The following GDAP2 variants were observed in gnomAD, a reference collection of about 807,000 sequenced individuals.
GDAP2 encodes the protein ganglioside-induced differentiation-associated protein 2.
A neutral mutation model predicts 67.0 loss-of-function variants in GDAP2; 51 were observed. The ratio of observed to expected loss-of-function variants is 0.76; its 90% confidence interval spans 0.61 to 0.96. The LOEUF (loss-of-function observed/expected upper bound fraction) is 0.96, where lower values mean the gene tolerates loss of function less well. Among genes scored for constraint, GDAP2 ranks in the 40% least tolerant of loss-of-function variants. The probability of loss-of-function intolerance (pLI) is 0.00; values close to 1 mark genes in which losing one functional copy is unlikely to be tolerated. For missense variants in GDAP2, 547 were observed against 588.3 expected, an observed-to-expected ratio of 0.93 and a Z score of 0.73; for synonymous variants, 203 against 207.3, an observed-to-expected ratio of 0.98 and a Z score of 0.18.
rs2101154940 is a variant in GDAP2 at position 117,912,041 on chromosome 1, G to A, written c.512C>T (p.Ser171Phe). 1 of 1,610,886 alleles carries A rather than the reference G, an allele frequency of 6.2e-7. No individual in the cohort carries two copies. Among genetic ancestry groups the A allele is most frequent in the Admixed American group, 1.7e-5 (1 of 59,956 alleles). ...CTCTAAAGGATAACCACGTTTTGCAGAATTGATGACACAGAAGCCAACAGA... is the reference window on the plus strand; with the variant it reads ...CTCTAAAGGATAACCACGTTTTGCAAAATTGATGACACAGAAGCCAACAGA... ...MSSVGFCVIN[S>F]AKRGYPLEDA... Residue 171 changes from serine (S) to phenylalanine (F), a missense_variant, in exon 5 of 14, where the codon TCT becomes TTT. By Grantham distance (155) the Ser-to-Phe change is radical. Transcript: ENST00000369443.
chr1:117,920,075 G>T, intron 2 of GDAP2, 107 bp downstream of exon 2: 1 of 645,482 alleles, frequency 1.5e-6, no homozygotes. Flanking sequence ...AGTCATATAC[G>T]TATACGCAAA....
rs931325177 is a variant in GDAP2, at chr1:117,887,613, A to G, written c.1030+85T>C. 1.3e-4 allele frequency: 104 copies of G among 793,860 alleles called. No homozygotes were observed. The South Asian group carries it at 1.4e-3, about 11-fold the overall frequency. The allele number at this position is 793,860 out of a possible 1,614,324, so 49.2% of individuals were successfully genotyped here. On this transcript the variant is annotated intron_variant, in intron 9 of 13. Transcript: ENST00000369443. Reference sequence around the variant, plus strand: ...TTTGTTCATAGATACAATAAATGAAATCAGAGAAAAATGAATTCTCAAATA... The same window carrying G: ...TTTGTTCATAGATACAATAAATGAAGTCAGAGAAAAATGAATTCTCAAATA...
intron 7 of GDAP2, 106 bp downstream of exon 7, chr1:117,898,951 T>C: frequency 1.3e-6 from 1 of 781,732 alleles, no homozygotes; most frequent in Non-Finnish European, 2.2e-6. Context: ...GTCATGGTAA[T>C]AGAGAGCTTT....
intron 13 of GDAP2, among the ~76,000 whole-genome samples, chr1:117,874,146 C>G (rs528692082): frequency 3.9e-5 from 6 of 152,320 alleles, no homozygotes; most frequent in South Asian, 2.1e-4. Flanking sequence ...CTCCTGATAT[C>G]TTCTGCTATA....
chr1:117,923,049 C>G (rs1199697435), intron 1 of GDAP2, among the ~76,000 whole-genome samples: 1 of 152,184 alleles, frequency 6.6e-6, no homozygotes, highest in African/African-American at 2.4e-5. Flanking sequence ...CTTCTCTTAT[C>G]CGTTTTTGGT....
chr1:117,918,575 A>C (rs748076988), intron 3 of GDAP2, 22 bp downstream of exon 3: 17 of 1,561,224 alleles, frequency 1.1e-5, no homozygotes, highest in Non-Finnish European at 1.5e-5. Context: ...AAGCAATAAT[A>C]TATGAAAGAA....
chr1:117,906,726 A>C, intron 5 of GDAP2, 144 bp from the exon 6 acceptor site: 1 of 560,470 alleles, frequency 1.8e-6, no homozygotes, highest in Non-Finnish European at 3.1e-6. Flanking sequence ...CTATCAGTGA[A>C]GCCTGCCCAT....
intron 5 of GDAP2, among the ~76,000 whole-genome samples, chr1:117,909,772 T>C (rs1327329115): frequency 6.6e-6 from 1 of 152,182 alleles, no homozygotes; most frequent in Admixed American, 6.5e-5. Context: ...TTATCTGCTG[T>C]TACTCTCAAA....
chr1:117,883,581 T>C lies in GDAP2; in HGVS notation c.1154A>G (p.Glu385Gly), dbSNP rs112235495. Residue 385 changes from glutamate (E) to glycine (G), a missense_variant, in exon 11 of 14, where the codon GAG becomes GGG. By Grantham distance (98) the Glu-to-Gly change is moderately conservative (BLOSUM62 -2). Transcript: ENST00000369443. ...GGTGTGAAAATACACTAATACATACTCCTTCACAGCAATGTGATCCATTAC... is the reference window on the plus strand; with the variant it reads ...GGTGTGAAAATACACTAATACATACCCCTTCACAGCAATGTGATCCATTAC... ...IHVMDHIAVKEYVLVYFHTLT... is the reference protein window; with the variant it reads ...IHVMDHIAVKGYVLVYFHTLT... The C allele has an allele frequency of 3.8e-6, 6 of 1,599,610 alleles. No individual in the cohort carries two copies. Among genetic ancestry groups the C allele is most frequent in the Non-Finnish European group, 4.3e-6 (5 of 1,167,378 alleles).
intron 6 of GDAP2, among the ~76,000 whole-genome samples, chr1:117,903,992 C>CT (rs566923850): frequency 3.8e-3 from 535 of 141,966 alleles, no homozygotes; most frequent in African/African-American, 0.011. Flanking sequence ...ATTTTTTTTT[C>CT]TTTTTTTTTT....
chr1:117,915,428 C>A (rs1650018637), intron 3 of GDAP2, among the ~76,000 whole-genome samples: 1 of 152,076 alleles, frequency 6.6e-6, no homozygotes, highest in Non-Finnish European at 1.5e-5. Flanking sequence ...AATGTCTGGT[C>A]CTGGATTGGA....
chr1:117,899,316 T>A, intron 6 of GDAP2, 100 bp from the exon 7 acceptor site: 2 of 774,152 alleles, frequency 2.6e-6, no homozygotes, highest in South Asian at 3.2e-5. Flanking sequence ...ACAACCTCCA[T>A]CAAGAATAAA....
chr1:117,887,660 A>C (rs1442372796), intron 9 of GDAP2, 38 bp downstream of exon 9: 1 of 971,498 alleles, frequency 1.0e-6, no homozygotes, highest in East Asian at 2.4e-5. Flanking sequence ...AGGGCTCTTA[A>C]TTAGTGAAAG....
rs1487812789 is a variant in GDAP2 at position 117,864,985 on chromosome 1, C to T, written c.*5584G>A. The T allele has an allele frequency of 6.6e-6, 1 of 152,192 alleles. No homozygotes were observed. The highest frequency in any genetic ancestry group is 1.9e-4 in the East Asian group (1 of 5,196). The allele number at this position is 152,192 out of a possible 1,614,324, so 9.4% of individuals were successfully genotyped here. On this transcript the variant is annotated 3_prime_UTR_variant, in exon 14 of 14. Coordinates refer to ENST00000369443, the MANE Select transcript of GDAP2 (RefSeq NM_017686.4). Reference sequence around the variant, plus strand: ...GCTAAATGCAGTCTATACTCTTTTACTCTAACTATGGTCTGGGGACCAGGA... The same window carrying T: ...GCTAAATGCAGTCTATACTCTTTTATTCTAACTATGGTCTGGGGACCAGGA...
intron 1 of GDAP2, among the ~76,000 whole-genome samples, chr1:117,925,053 A>C (rs1557812713): frequency 6.6e-6 from 1 of 152,208 alleles, no homozygotes; most frequent in East Asian, 1.9e-4. Context: ...ACACAAACAC[A>C]GTTTTCAGTT....
Position 117,920,202 on chromosome 1 carries a change from G to T in GDAP2, c.156C>A (p.Val52=). The T allele has an allele frequency of 6.2e-7, 1 of 1,600,534 alleles. No homozygotes were observed. The highest frequency in any genetic ancestry group is 1.1e-5 in the South Asian group (1 of 89,718). Residue 52 remains valine, a synonymous_variant, in exon 2 of 14, where the codon GTC becomes GTA. Transcript: ENST00000369443. The part of the protein sequence containing the change: ...VRSPFLYNKD[V]NGKVVLWKGD... ...ATTACCAAAGAACCACTTTTCCATT[G>T]ACGTCCTTATTATAAAGAAAAGGTG...
chr1:117,904,079 T>C (rs181899103), intron 6 of GDAP2, among the ~76,000 whole-genome samples: 2 of 152,144 alleles, frequency 1.3e-5, no homozygotes, highest in Admixed American at 1.3e-4. Context: ...TTCTGCTTCC[T>C]GGGTTCAAGT....
chr1:117,926,773 G>A (rs1468152179), intron 1 of GDAP2, among the ~76,000 whole-genome samples: 2 of 152,108 alleles, frequency 1.3e-5, no homozygotes, highest in Admixed American at 1.3e-4. Context: ...ATTTGTATAT[G>A]AGCTCATACA....
chr1:117,874,861 A>G (rs111443718), intron 13 of GDAP2, among the ~76,000 whole-genome samples: 2,080 of 152,344 alleles, frequency 0.014, 36 homozygotes, highest in South Asian at 0.094. Context: ...CAAAGAACTT[A>G]GCTGCACTGT....
Sources: gnomAD v4.1 joint callset for allele counts (sites outside exome capture counted in the v4.1 genomes callset) on GRCh38, gnomAD v4.1.1 for gene constraint, MANE v1.5 for transcripts, NCBI Gene and HGNC (gene_info 2026-07-23, HGNC 2026-07-21) for gene names.